The following OR5V1 variants were observed in gnomAD, a reference collection of about 807,000 sequenced individuals.
The protein encoded by OR5V1 is olfactory receptor 5V1.
For missense variants in OR5V1, 365 were observed against 371.5 expected (o/e 0.98, Z 0.14); for synonymous variants, 134 against 143.2 (o/e 0.94, Z 0.46).
chr6:29,357,876 A>G (rs1778389494), intron 1 of OR5V1, among the ~76,000 whole-genome samples: 1 of 152,216 alleles, frequency 6.6e-6, no homozygotes, highest in South Asian at 2.1e-4. Context: ...TTTGAAGCAA[A>G]TTATAAAAAC....
In OR5V1 at chr6:29,355,106, A is replaced by C. The variant is rs886419405; in HGVS notation, c.*124T>G. On this transcript the variant is annotated 3_prime_UTR_variant, in exon 2 of 2. Coordinates refer to ENST00000641768, the MANE Select transcript of OR5V1 (RefSeq NM_030876.6). ...AAAGCTCAAGAATAAGTACACTTAGACTGGAGTGTATCAACTCTTCAATAT... is the reference window on the plus strand; with the variant it reads ...AAAGCTCAAGAATAAGTACACTTAGCCTGGAGTGTATCAACTCTTCAATAT... The C allele has an allele frequency of 9.3e-5, 79 of 845,262 alleles. No individual in the cohort carries two copies. The highest frequency in any genetic ancestry group is 9.4e-5 in the Non-Finnish European group (53 of 562,050). The allele number at this position is 845,262 out of a possible 1,614,324, so 52.4% of individuals were successfully genotyped here.
chr6:29,357,322 A>G (rs7357041), intron 1 of OR5V1, among the ~76,000 whole-genome samples: 2,769 of 152,250 alleles, frequency 0.018, 36 homozygotes, highest in East Asian at 0.032. Context: ...TGAGAGCACC[A>G]AGCCTCAGCA....
chr6:29,355,907 A>G lies in OR5V1; in HGVS notation c.289T>C (p.Cys97Arg). 2 of 1,613,990 alleles carry G rather than the reference A, an allele frequency of 1.2e-6. No homozygotes were observed. The highest frequency in any genetic ancestry group is 1.1e-5 in the South Asian group (1 of 91,078). The change falls in exon 2 of 2, where the codon TGT (cysteine) becomes CGT (arginine). Residue 97 changes from cysteine (C) to arginine (R), a missense_variant. Transcript: ENST00000641768. ...ACAAATGCAAAAAGTTGAACCACACACCCCACATAAGAAATGCTTTTTTTC... is the reference window on the plus strand; with the variant it reads ...ACAAATGCAAAAAGTTGAACCACACGCCCCACATAAGAAATGCTTTTTTTC... Reference protein sequence around the residue: ...SKKKSISYVGCVVQLFAFVFF... With the variant: ...SKKKSISYVGRVVQLFAFVFF...
intron 1 of OR5V1, among the ~76,000 whole-genome samples, chr6:29,359,168 ATAG>A (rs1778451065): frequency 6.6e-6 from 1 of 152,208 alleles, no homozygotes; most frequent in African/African-American, 2.4e-5. Flanking sequence ...TAAATTAAGG[ATAG>A]TAGTTATAAC....
intron 1 of OR5V1, among the ~76,000 whole-genome samples, chr6:29,366,259 A>G (rs1444087918): frequency 6.6e-6 from 1 of 150,406 alleles, no homozygotes; most frequent in Non-Finnish European, 1.5e-5. Context: ...ACCATGGCAC[A>G]TGTACACCTA....
chr6:29,366,325 T>TAAA lies in OR5V1; in HGVS notation c.-83+2304_-83+2306dup, dbSNP rs34270802. ...TCCCTGAACTTAAAGTAAAGTATAT[T>TAAA]AAAAAAAAAAAAAAAAAAAGGAAAT... On this transcript the variant is annotated intron_variant, in intron 1 of 1. Coordinates refer to ENST00000641768, the MANE Select transcript of OR5V1 (RefSeq NM_030876.6). Among the ~76,000 whole-genome samples the TAAA allele has an allele frequency of 7.6e-3, 955 of 125,654 alleles. 12 individuals carry two copies. The highest frequency in any genetic ancestry group is 0.018 in the African/African-American group (596 of 33,108). The allele number at this position is 125,654 out of a possible 152,430, so 82.4% of individuals were successfully genotyped here.
Position 29,355,284 on chromosome 6 carries a change from T to C in OR5V1, c.912A>G (p.Ile304Met). 1 of 1,612,504 alleles carries C rather than the reference T, an allele frequency of 6.2e-7. No homozygotes were observed. The highest frequency in any genetic ancestry group is 8.5e-7 in the Non-Finnish European group (1 of 1,179,416). ...AAATTGGTGGCTGCCACTTGCTCCC[T>C]ATAGTTTTGACAGCTTCTTTGATGT... ...NKDIKEAVKT[I>M]GSKWQPPISS... Residue 304 changes from isoleucine to methionine, a missense_variant, in exon 2 of 2, where the codon ATA (isoleucine) becomes ATG (methionine). Coordinates refer to ENST00000641768, the MANE Select transcript of OR5V1 (RefSeq NM_030876.6).
intron 1 of OR5V1, among the ~76,000 whole-genome samples, chr6:29,356,970 T>A (rs1012812562): frequency 6.6e-6 from 1 of 152,178 alleles, no homozygotes; most frequent in Non-Finnish European, 1.5e-5. Context: ...TATTAATGAA[T>A]ATTTATATTG....
intron 1 of OR5V1, among the ~76,000 whole-genome samples, chr6:29,357,698 T>C (rs751014921): frequency 3.3e-5 from 5 of 152,158 alleles, no homozygotes; most frequent in Non-Finnish European, 7.4e-5. Context: ...CAGCTATAGA[T>C]TAATTTAAAT....
chr6:29,355,651 G>A lies in OR5V1; in HGVS notation c.545C>T (p.Pro182Leu), dbSNP rs371879502. The A allele has an allele frequency of 6.2e-6, 10 of 1,613,860 alleles. No homozygotes were observed. The highest frequency in any genetic ancestry group is 1.3e-5 in the African/African-American group (1 of 74,902). The change falls in exon 2 of 2, where the codon CCC becomes CTC. Residue 182 changes from proline to leucine, a missense_variant. Pro to Leu is a moderately conservative substitution (Grantham distance 98, BLOSUM62 -3). Transcript: ENST00000641768. The stretch of plus-strand genomic sequence containing the variant: ...TCCACAAGACAAGATCAGCAAAGGG[G>A]GGATGTCACAGAAGAAGTAATTAAT... ...NQINYFFCDI[P>L]PLLILSCGNT...
At chr6:29,366,375 T>G (rs546824167) in intron 1 of OR5V1, among the ~76,000 whole-genome samples, 1 of 151,338 alleles carries the variant, frequency 6.6e-6, no homozygotes, top group African/African-American at 2.4e-5. Flanking sequence ...TGTGTTCAGT[T>G]TTGGCCATGC....
intron 1 of OR5V1, among the ~76,000 whole-genome samples, chr6:29,360,008 G>A (rs1299601878): frequency 1.3e-5 from 2 of 152,182 alleles, no homozygotes; most frequent in Non-Finnish European, 2.9e-5. Flanking sequence ...GCAAGCTAAG[G>A]ACCACTGGCT....
chr6:29,358,428 C>G (rs1397860713), intron 1 of OR5V1, among the ~76,000 whole-genome samples: 1 of 152,274 alleles, frequency 6.6e-6, no homozygotes, highest in African/African-American at 2.4e-5. Flanking sequence ...AAAAATGCAA[C>G]TACTATGTGA....
rs965743315 is a variant in OR5V1, at chr6:29,355,588, C to A, written c.608G>T (p.Gly203Val). The change falls in exon 2 of 2, where the codon GGG becomes GTG. Residue 203 changes from glycine (G) to valine (V), a missense_variant. By Grantham distance (109) the Gly-to-Val change is moderately radical. Transcript: ENST00000641768. ...GAAAGGAGTCCAACCAATGAAGACC[C>A]CAGTGGATAGCAGTGCCAACTCATT... Reference protein sequence around the residue: ...SVNELALLSTGVFIGWTPFLC... With the variant: ...SVNELALLSTVVFIGWTPFLC... 6.2e-7 allele frequency: 1 copy of A among 1,613,944 alleles called. No homozygotes were observed. Among genetic ancestry groups the A allele is most frequent in the South Asian group, 1.1e-5 (1 of 91,074 alleles).
chr6:29,364,335 C>T (rs187154390), intron 1 of OR5V1, among the ~76,000 whole-genome samples: 8 of 152,004 alleles, frequency 5.3e-5, no homozygotes, highest in African/African-American at 9.6e-5. Flanking sequence ...GTCATGGATA[C>T]GAAGAATCAA....
intron 1 of OR5V1, among the ~76,000 whole-genome samples, chr6:29,357,696 G>C (rs1314727374): frequency 6.6e-6 from 1 of 152,072 alleles, no homozygotes; most frequent in East Asian, 1.9e-4. Flanking sequence ...ACCAGCTATA[G>C]ATTAATTTAA....
Position 29,355,377 on chromosome 6 carries a change from C to T in OR5V1, c.819G>A (p.Leu273=), listed in dbSNP as rs780686021. 3 of 1,613,918 alleles carry T rather than the reference C, an allele frequency of 1.9e-6. No individual in the cohort carries two copies. The highest frequency in any genetic ancestry group is 1.1e-5 in the South Asian group (1 of 91,062). The change falls in exon 2 of 2, where the codon TTG becomes TTA. Residue 273 remains leucine (L), a synonymous_variant. Coordinates refer to ENST00000641768, the MANE Select transcript of OR5V1 (RefSeq NM_030876.6). ...ISTYSLKKDR[L]VSVLYSVVTP... ...TAACAACACTGTACAACACTGAAAC[C>T]AACCTATCTTTCTTTAATGAGTAAG...
At chr6:29,359,601 A>C (rs946163637) in intron 1 of OR5V1, among the ~76,000 whole-genome samples, 2 of 152,160 alleles carry the variant, frequency 1.3e-5, no homozygotes, top group African/African-American at 4.8e-5. Flanking sequence ...TGCATTTCCA[A>C]CTGAGGTACC....
intron 1 of OR5V1, among the ~76,000 whole-genome samples, chr6:29,365,564 C>T (rs1778810740): frequency 6.6e-6 from 1 of 152,178 alleles, no homozygotes; most frequent in Non-Finnish European, 1.5e-5. Context: ...AGCTCATCAT[C>T]ATGGGTCATT....
Sources: allele counts gnomAD v4.1 joint callset (sites outside exome capture counted in the v4.1 genomes callset), GRCh38; gene constraint gnomAD v4.1.1; transcripts MANE v1.5; gene names NCBI Gene and HGNC (gene_info 2026-07-23, HGNC 2026-07-21).